Variants in TMEM132B observed in about 807,000 individuals in gnomAD.
TMEM132B encodes transmembrane protein 132B.
In TMEM132B, 18 loss-of-function variants were observed where a neutral mutation model predicts 90.8. That is an observed-to-expected ratio of 0.20 (90% CI 0.14 to 0.29). The LOEUF is 0.29. Among genes scored for constraint, TMEM132B ranks in the 10% least tolerant of loss-of-function variants. TMEM132B has a pLI of 1.00. For missense variants in TMEM132B, 1,096 were observed against 1,326.8 expected (o/e 0.83, Z 2.70); for synonymous variants, 504 against 523.3 (o/e 0.96, Z 0.50).
intron 4 of TMEM132B, among the ~76,000 whole-genome samples, chr12:125,536,977 C>T (rs568069801): frequency 6.6e-6 from 1 of 151,986 alleles, no homozygotes; most frequent in East Asian, 1.9e-4. Context: ...TCTTTTTTTA[C>T]TCTTTTTGGG....
chr12:125,609,689 C>T (rs748829953), intron 5 of TMEM132B, among the ~76,000 whole-genome samples: 1 of 151,344 alleles, frequency 6.6e-6, no homozygotes, highest in South Asian at 2.1e-4. Flanking sequence ...TGGTGGCGGG[C>T]GCCTGTAGTC....
At chr12:125,605,008 A>T (rs1002205531) in intron 5 of TMEM132B, among the ~76,000 whole-genome samples, 1 of 152,212 alleles carries the variant, frequency 6.6e-6, no homozygotes, top group African/African-American at 2.4e-5. Flanking sequence ...GGTGGTGGTT[A>T]TTAAAGAGTG....
intron 4 of TMEM132B, among the ~76,000 whole-genome samples, chr12:125,577,165 T>C (rs1486662666): frequency 2.6e-5 from 4 of 151,898 alleles, no homozygotes; most frequent in Non-Finnish European, 4.4e-5. Flanking sequence ...TTCAATCTCT[T>C]TATCAGTTAT....
chr12:125,549,250 T>G (rs1884161914), intron 4 of TMEM132B, among the ~76,000 whole-genome samples: 1 of 152,192 alleles, frequency 6.6e-6, no homozygotes, highest in South Asian at 2.1e-4. Flanking sequence ...ATCAGGTTAA[T>G]CTCCTTTGTT....
At position 125,660,385 on chromosome 12, in the gene TMEM132B, A is replaced by G. The variant is rs1353607873; in HGVS notation, c.*5675A>G. The stretch of plus-strand genomic sequence containing the variant: ...AAAGAAAGTTTGAAGTAAGATTTGT[A>G]AAAGAATGAACACTTTAGGTTTTGT... On this transcript the variant is annotated 3_prime_UTR_variant, in exon 9 of 9. Coordinates refer to ENST00000682704, the MANE Select transcript of TMEM132B (RefSeq NM_001366854.1). The G allele has an allele frequency of 1.3e-5, 2 of 152,220 alleles. No homozygotes were observed. Among genetic ancestry groups the G allele is most frequent in the African/African-American group, 4.8e-5 (2 of 41,456 alleles). 9.4% of individuals were successfully genotyped at this position (152,220 alleles called of 1,614,324 possible).
At chr12:125,447,150 T>C (rs1009722217) in intron 3 of TMEM132B, among the ~76,000 whole-genome samples, 1 of 152,222 alleles carries the variant, frequency 6.6e-6, no homozygotes, top group Non-Finnish European at 1.5e-5. Flanking sequence ...TGCCAGTCTG[T>C]CAGCCTTTGT....
At chr12:125,224,770 C>T (rs1873639341) in intron 1 of TMEM132B, among the ~76,000 whole-genome samples, 1 of 152,194 alleles carries the variant, frequency 6.6e-6, no homozygotes, top group South Asian at 2.1e-4. Flanking sequence ...CTTTTCTGGC[C>T]ACTTAAAAAA....
rs527356551 is a variant in TMEM132B, at chr12:125,548,502, G to T, written c.1293+28877G>T. Among the ~76,000 whole-genome samples the T allele has an allele frequency of 2.0e-5, 3 of 152,280 alleles. No homozygotes were observed. In the South Asian group the frequency reaches 6.2e-4, roughly 32 times the overall value. ...TACCCTATGAGAAAGTGACCTTTAA[G>T]CTAAGGATTGAAGGATAAGACGACA... On this transcript the variant is annotated intron_variant, in intron 4 of 8. Coordinates refer to ENST00000682704, the MANE Select transcript of TMEM132B (RefSeq NM_001366854.1).
chr12:125,333,847 C>T (rs1024892452), intron 1 of TMEM132B, among the ~76,000 whole-genome samples: 5 of 152,116 alleles, frequency 3.3e-5, no homozygotes, highest in African/African-American at 1.2e-4. Context: ...GATACTGTCC[C>T]TGGAGCCTGC....
chr12:125,430,422 C>CA (rs139469509), intron 3 of TMEM132B, among the ~76,000 whole-genome samples: 3,814 of 152,096 alleles, frequency 0.025, 163 homozygotes, highest in African/African-American at 0.087. Flanking sequence ...ATAGTGTGGG[C>CA]GGAAACCCGG....
intron 4 of TMEM132B, among the ~76,000 whole-genome samples, chr12:125,582,674 A>G (rs1016114042): frequency 1.3e-5 from 2 of 152,214 alleles, no homozygotes; most frequent in Non-Finnish European, 2.9e-5. Context: ...TCACTCATGG[A>G]GCAAATACTG....
intron 4 of TMEM132B, among the ~76,000 whole-genome samples, chr12:125,542,025 CAAAAAA>C (rs71306285): frequency 4.3e-5 from 1 of 23,302 alleles, no homozygotes; most frequent in Non-Finnish European, 7.5e-5. Flanking sequence ...ACCCCCGTCT[CAAAAAA>C]AAAAAAAAAA....
intron 5 of TMEM132B, 137 bp downstream of exon 5, chr12:125,584,131 G>C (rs777233230): frequency 7.8e-7 from 1 of 1,281,824 alleles, no homozygotes. Flanking sequence ...CACGAAGGAG[G>C]AAACAGCTGA....
intron 1 of TMEM132B, among the ~76,000 whole-genome samples, chr12:125,273,173 T>C (rs1048397575): frequency 6.6e-6 from 1 of 152,042 alleles, no homozygotes; most frequent in Non-Finnish European, 1.5e-5. Flanking sequence ...TCTATTTATC[T>C]CTCTCTATAT....
In TMEM132B at chr12:125,498,207, G is replaced by T. The variant is rs1882606933; in HGVS notation, c.1107-21232G>T. On this transcript the variant is annotated intron_variant, in intron 3 of 8. Transcript: ENST00000682704. The surrounding 1 kb of genome is among the most constrained non-coding windows in gnomAD (Gnocchi z 4.5). The stretch of plus-strand genomic sequence containing the variant: ...CTGAGGGTGTATATTTCTATGTCCT[G>T]GTCAGAAGGCTGGGAGGATAATGAG... Among the ~76,000 whole-genome samples the T allele has an allele frequency of 6.6e-6, 1 of 152,162 alleles. No individual in the cohort carries two copies. Among genetic ancestry groups the T allele is most frequent in the South Asian group, 2.1e-4 (1 of 4,818 alleles).
chr12:125,236,237 C>T (rs1482231908), intron 1 of TMEM132B, among the ~76,000 whole-genome samples: 3 of 152,096 alleles, frequency 2.0e-5, no homozygotes, highest in Non-Finnish European at 2.9e-5. Flanking sequence ...CCCCCTCCTC[C>T]CAGGTTCAAG....
chr12:125,628,121 A>G (rs1039552556), intron 5 of TMEM132B, among the ~76,000 whole-genome samples: 2 of 152,156 alleles, frequency 1.3e-5, no homozygotes, highest in East Asian at 3.8e-4. Context: ...GGGAGTGCAG[A>G]TATCTCTTTG....
At chr12:125,478,209 C>A (rs1881939674) in intron 3 of TMEM132B, among the ~76,000 whole-genome samples, 2 of 152,292 alleles carry the variant, frequency 1.3e-5, no homozygotes, top group Non-Finnish European at 1.5e-5. Context: ...CGCCCCTTCT[C>A]CTCCAAAGGA....
At chr12:125,306,425 A>T (rs562893004) in intron 1 of TMEM132B, among the ~76,000 whole-genome samples, 1 of 152,224 alleles carries the variant, frequency 6.6e-6, no homozygotes, top group African/African-American at 2.4e-5. Flanking sequence ...TGGACGTCTC[A>T]TTGGTATCTC....
Sources: gnomAD v4.1 joint callset for allele counts (sites outside exome capture counted in the v4.1 genomes callset) on GRCh38, gnomAD v4.1.1 for gene constraint, Gnocchi (gnomAD v3.1) non-coding constraint, MANE v1.5 for transcripts, NCBI Gene and HGNC (gene_info 2026-07-23, HGNC 2026-07-21) for gene names.